The following GMDS variants were observed in gnomAD, a reference collection of about 807,000 sequenced individuals.
The protein encoded by GMDS is GDP-mannose 4,6 dehydratase.
A neutral mutation model predicts 49.9 loss-of-function variants in GMDS; 20 were observed. The observed-to-expected ratio is 0.40, with a 90% CI of 0.28 to 0.58. GMDS has a LOEUF of 0.58. Ranked by LOEUF, GMDS falls within the 20% of genes least tolerant of loss-of-function variation. GMDS has a pLI of 0.42. For missense variants in GMDS, 362 were observed against 481.4 expected, an observed-to-expected ratio of 0.75 and a Z score of 2.32; for synonymous variants, 177 against 178.6, an observed-to-expected ratio of 0.99 and a Z score of 0.07.
At chr6:1,958,391 G>A (rs546827808) in intron 6 of GMDS, among the ~76,000 whole-genome samples, 4 of 152,068 alleles carry the variant, frequency 2.6e-5, no homozygotes, top group Admixed American at 6.5e-5. Flanking sequence ...GGATTACCAC[G>A]ACTGAGCAGA....
At chr6:2,178,110 G>C (rs1561634635) in intron 1 of GMDS, among the ~76,000 whole-genome samples, 1 of 152,166 alleles carries the variant, frequency 6.6e-6, no homozygotes, top group Non-Finnish European at 1.5e-5. Context: ...CTAAAGATGG[G>C]AACAATAGAC....
At chr6:1,639,981 G>T (rs1426355492) in intron 9 of GMDS, among the ~76,000 whole-genome samples, 1 of 152,214 alleles carries the variant, frequency 6.6e-6, no homozygotes, top group African/African-American at 2.4e-5. Context: ...GTTCCATGAT[G>T]TATAAGCCTG....
chr6:2,176,613 T>C (rs1475103872), intron 1 of GMDS, among the ~76,000 whole-genome samples: 1 of 151,920 alleles, frequency 6.6e-6, no homozygotes, highest in Non-Finnish European at 1.5e-5. Context: ...GATCTGCTGG[T>C]TGGGGTAGGA....
At chr6:1,740,708 G>A in intron 8 of GMDS, among the ~76,000 whole-genome samples, 1 of 150,742 alleles carries the variant, frequency 6.6e-6, no homozygotes. Context: ...TGAAAAATGA[G>A]GTATCTTCTT....
In GMDS at chr6:1,629,225, T is replaced by C. The variant is rs146982014; in HGVS notation, c.988-4685A>G. On this transcript the variant is annotated intron_variant, in intron 9 of 10. Coordinates refer to ENST00000380815, the MANE Select transcript of GMDS (RefSeq NM_001500.4). ...ACATGCTCACGAATTTATCCTTTGGTTTAATCCTTCCCAAAGAGGGAGCGA... is the reference window on the plus strand; with the variant it reads ...ACATGCTCACGAATTTATCCTTTGGCTTAATCCTTCCCAAAGAGGGAGCGA... 1.7e-4 allele frequency among the ~76,000 whole-genome samples: 26 copies of C among 152,318 alleles called. No homozygotes were observed. In the East Asian group the frequency reaches 4.6e-3, roughly 27 times the overall value.
At chr6:2,055,863 A>T (rs1770748019) in intron 4 of GMDS, among the ~76,000 whole-genome samples, 1 of 152,124 alleles carries the variant, frequency 6.6e-6, no homozygotes, top group African/African-American at 2.4e-5. Flanking sequence ...TGTTATGAAG[A>T]TTAAATGCTT....
At chr6:1,688,521 G>A (rs769730145) in intron 9 of GMDS, among the ~76,000 whole-genome samples, 1 of 152,092 alleles carries the variant, frequency 6.6e-6, no homozygotes, top group African/African-American at 2.4e-5. Context: ...CATCCTCTCC[G>A]TGATTCTCCT....
At chr6:1,646,572 T>C (rs1471713810) in intron 9 of GMDS, among the ~76,000 whole-genome samples, 1 of 152,024 alleles carries the variant, frequency 6.6e-6, no homozygotes, top group Non-Finnish European at 1.5e-5. Flanking sequence ...TTTTTAGAGA[T>C]GGATTTTTGC....
At chr6:2,237,860 CAAAT>C (rs1210753548) in intron 1 of GMDS, among the ~76,000 whole-genome samples, 1 of 151,878 alleles carries the variant, frequency 6.6e-6, no homozygotes, top group Non-Finnish European at 1.5e-5. Flanking sequence ...AAATAATCAA[CAAAT>C]AAATAAAGGA....
chr6:2,164,467 A>C (rs1359228684), intron 1 of GMDS, among the ~76,000 whole-genome samples: 1 of 152,172 alleles, frequency 6.6e-6, no homozygotes, highest in African/African-American at 2.4e-5. Context: ...AAGCCACTAC[A>C]GTTTCCTTAG....
At chr6:1,834,940 G>A (rs1410253771) in intron 7 of GMDS, among the ~76,000 whole-genome samples, 1 of 152,024 alleles carries the variant, frequency 6.6e-6, no homozygotes, top group Non-Finnish European at 1.5e-5. Context: ...GTCTCTGAGG[G>A]CATTTCAGTT....
rs1326903848 is a variant in GMDS, at chr6:1,624,296, C to T, written c.1057-65G>A. 2.1e-6 allele frequency: 3 copies of T among 1,458,240 alleles called. No individual in the cohort carries two copies. The African/African-American group carries it at 4.2e-5, about 20-fold the overall frequency. 90.3% of individuals were successfully genotyped at this position (1,458,240 alleles called of 1,614,324 possible). ...ACTCTCTCCTGGTGACACCCCACCC[C>T]GGGTGTCGGCCCCAGAGAGGCCTCC... On this transcript the variant is annotated intron_variant, in intron 10 of 10. Coordinates refer to ENST00000380815, the MANE Select transcript of GMDS (RefSeq NM_001500.4).
At chr6:1,678,844 C>T (rs1260992012) in intron 9 of GMDS, among the ~76,000 whole-genome samples, 1 of 152,162 alleles carries the variant, frequency 6.6e-6, no homozygotes, top group Admixed American at 6.5e-5. Flanking sequence ...TTACATATTT[C>T]CTTTTACACA....
intron 1 of GMDS, among the ~76,000 whole-genome samples, chr6:2,210,971 C>T (rs145620622): frequency 1.4e-3 from 217 of 152,304 alleles, no homozygotes; most frequent in African/African-American, 5.2e-3. Flanking sequence ...TGGCACTTCT[C>T]CCTTCACTGT....
chr6:2,014,639 G>A (rs1767783002), intron 4 of GMDS, among the ~76,000 whole-genome samples: 1 of 151,950 alleles, frequency 6.6e-6, no homozygotes, highest in African/African-American at 2.4e-5. Flanking sequence ...GAGAAGGCAA[G>A]AATAGAGAGG....
chr6:2,113,823 A>T (rs1236844577), intron 4 of GMDS, among the ~76,000 whole-genome samples: 1 of 152,144 alleles, frequency 6.6e-6, no homozygotes, highest in Admixed American at 6.5e-5. Context: ...CACTCAACAA[A>T]TATTTGTTGG....
Position 2,059,175 on chromosome 6 carries a change from CAAAAAAAAAAAAAA to C in GMDS, c.345+56582_345+56595del, listed in dbSNP as rs55832305. The stretch of plus-strand genomic sequence containing the variant: ...TGGGCGACAGAGTGATCCTCTGTCT[CAAAAAAAAAAAAAA>C]AAAAAAAAAAAAAAAAGTCATCATG... On this transcript the variant is annotated intron_variant, in intron 4 of 10. Transcript: ENST00000380815. Among the ~76,000 whole-genome samples the C allele has an allele frequency of 1.0e-3, 30 of 30,018 alleles. 1 individual carries two copies. Among genetic ancestry groups the C allele is most frequent in the Admixed American group, 7.7e-3 (13 of 1,694 alleles). The allele number at this position is 30,018 out of a possible 152,430, so 19.7% of individuals were successfully genotyped here.
At chr6:1,632,392 T>C (rs1763026563) in intron 9 of GMDS, among the ~76,000 whole-genome samples, 1 of 152,166 alleles carries the variant, frequency 6.6e-6, no homozygotes, top group Admixed American at 6.5e-5. Context: ...GAGGCATCCA[T>C]GGTTATAGAA....
intron 7 of GMDS, among the ~76,000 whole-genome samples, chr6:1,835,335 G>A (rs1756875662): frequency 6.6e-6 from 1 of 152,198 alleles, no homozygotes; most frequent in Non-Finnish European, 1.5e-5. Flanking sequence ...TGTGTCTCTA[G>A]AAGAGTGGAA....
Sources: gnomAD v4.1 joint callset for allele counts (sites outside exome capture counted in the v4.1 genomes callset) on GRCh38, gnomAD v4.1.1 for gene constraint, MANE v1.5 for transcripts, NCBI Gene and HGNC (gene_info 2026-07-23, HGNC 2026-07-21) for gene names.